PTBP2: variants seen among roughly 807,000 people sequenced by gnomAD.
PTBP2 encodes the protein polypyrimidine tract binding protein 2, also known as polypyrimidine tract-binding protein 2.
A neutral mutation model predicts 61.4 loss-of-function variants in PTBP2; 13 were observed. That is an observed-to-expected ratio of 0.21 (90% confidence interval 0.14 to 0.34). The LOEUF (loss-of-function observed/expected upper bound fraction) is 0.34, where lower values mean the gene tolerates loss of function less well. PTBP2 is among the 10% of genes least tolerant of loss of function. PTBP2 has a pLI of 1.00. For synonymous variants in PTBP2, 215 were observed against 218.5 expected (o/e 0.98, Z 0.14); for missense variants, 405 against 642.6 (o/e 0.63, Z 4.00).
At chr1:96,773,648 G>T (rs1323380497) in intron 5 of PTBP2, among the ~76,000 whole-genome samples, 1 of 152,006 alleles carries the variant, frequency 6.6e-6, no homozygotes. Flanking sequence ...TACCAAAGAG[G>T]CTCTTATTCT....
chr1:96,780,734 C>T (rs1468237623), intron 7 of PTBP2, among the ~76,000 whole-genome samples: 1 of 151,954 alleles, frequency 6.6e-6, no homozygotes, highest in Non-Finnish European at 1.5e-5. Flanking sequence ...ACAGAGTTCA[C>T]ATCACATTTT....
intron 5 of PTBP2, among the ~76,000 whole-genome samples, chr1:96,777,087 G>C (rs1279632201): frequency 2.6e-5 from 4 of 152,076 alleles, no homozygotes; most frequent in Non-Finnish European, 4.4e-5. Context: ...GGTGTCAGAA[G>C]TTAAGTGTAG....
At chr1:96,807,461 ATAAG>A (rs1437223118) in intron 11 of PTBP2, among the ~76,000 whole-genome samples, 3 of 152,212 alleles carry the variant, frequency 2.0e-5, no homozygotes, top group Non-Finnish European at 2.9e-5. Context: ...CATTACTTAA[ATAAG>A]TAATTGATTA....
At chr1:96,725,187 C>T (rs189288039) in intron 2 of PTBP2, among the ~76,000 whole-genome samples, 12 of 151,796 alleles carry the variant, frequency 7.9e-5, no homozygotes, top group South Asian at 4.2e-4. Context: ...TGTGAGTTGT[C>T]GACTGTTAGT....
At chr1:96,785,949 GTA>G (rs993003501) in intron 8 of PTBP2, among the ~76,000 whole-genome samples, 32 of 152,138 alleles carry the variant, frequency 2.1e-4, no homozygotes, top group Admixed American at 1.6e-3. Context: ...ATCTTACTTT[GTA>G]AGTAAAATGT....
Position 96,821,370 on chromosome 1 carries a change from T to G in PTBP2, c.*7965T>G, listed in dbSNP as rs1472258983. The G allele has an allele frequency of 2.6e-5, 4 of 151,922 alleles. No individual in the cohort carries two copies. In the South Asian group the frequency reaches 8.3e-4, roughly 31 times the overall value. The allele number at this position is 151,922 out of a possible 1,614,324, so 9.4% of individuals were successfully genotyped here. On this transcript the variant is annotated 3_prime_UTR_variant, in exon 14 of 14. Transcript: ENST00000609116. The stretch of plus-strand genomic sequence containing the variant: ...TAGTTTAATTTTTTATATCTATTTA[T>G]AAAGTTAACTGCAGGAGTGTACCTG...
chr1:96,772,281 A>G (rs1386207488), intron 5 of PTBP2, among the ~76,000 whole-genome samples: 1 of 152,204 alleles, frequency 6.6e-6, no homozygotes, highest in Non-Finnish European at 1.5e-5. Context: ...ATTAAAAAGG[A>G]TAATAAGCCT....
chr1:96,793,784 TTGAA>T (rs1176206057), intron 8 of PTBP2, among the ~76,000 whole-genome samples: 1 of 152,188 alleles, frequency 6.6e-6, no homozygotes, highest in Admixed American at 6.5e-5. Flanking sequence ...TAAATAATAT[TTGAA>T]TGAATGTGTT....
intron 7 of PTBP2, among the ~76,000 whole-genome samples, chr1:96,782,813 CT>C: frequency 6.6e-6 from 1 of 152,040 alleles, no homozygotes; most frequent in South Asian, 2.1e-4. Flanking sequence ...TTTATTTTGG[CT>C]TTTCATGTTT....
chr1:96,749,348 A>C (rs1654246751), intron 2 of PTBP2, among the ~76,000 whole-genome samples: 1 of 152,198 alleles, frequency 6.6e-6, no homozygotes, highest in Non-Finnish European at 1.5e-5. Context: ...TCAGAAGAAT[A>C]AGCTGATAAT....
At chr1:96,784,230 C>T (rs1265046801) in intron 7 of PTBP2, among the ~76,000 whole-genome samples, 5 of 151,974 alleles carry the variant, frequency 3.3e-5, no homozygotes, top group African/African-American at 9.7e-5. Context: ...ATAATCATAG[C>T]GGTAACATAG....
At chr1:96,800,347 A>G (rs923017268) in intron 8 of PTBP2, among the ~76,000 whole-genome samples, 1 of 142,842 alleles carries the variant, frequency 7.0e-6, no homozygotes, top group Non-Finnish European at 1.5e-5. Context: ...TGGTAGTCTT[A>G]TTTTTACTAA....
chr1:96,816,737 A>T (rs747441264), downstream of PTBP2: 2 of 152,168 alleles, frequency 1.3e-5, no homozygotes, highest in African/African-American at 2.4e-5. Context: ...TTACTAGGGA[A>T]AGGACAAATC....
At chr1:96,732,215 T>C (rs960414432) in intron 2 of PTBP2, among the ~76,000 whole-genome samples, 1 of 152,190 alleles carries the variant, frequency 6.6e-6, no homozygotes, top group African/African-American at 2.4e-5. Flanking sequence ...AATCAAATAA[T>C]GCTAAATGTA....
intron 3 of PTBP2, among the ~76,000 whole-genome samples, chr1:96,760,697 G>A (rs940574188): frequency 2.0e-5 from 3 of 151,966 alleles, no homozygotes; most frequent in African/African-American, 7.2e-5. Context: ...TGCCCACGTC[G>A]GCCTCCCAGA....
rs3791011 is a variant in PTBP2, at chr1:96,795,375, T to C, written c.905-9425T>C. ...CTTGGCATCTTACTGATGTGATTGA[T>C]TATGAGAAAAATGAAGCATGTGGAG... On this transcript the variant is annotated intron_variant, in intron 8 of 13. Coordinates refer to ENST00000674951, the MANE Select transcript of PTBP2 (RefSeq NM_021190.4). Among the ~76,000 whole-genome samples the C allele has an allele frequency of 5.2e-4, 79 of 152,282 alleles. 1 individual carries two copies. The East Asian group carries it at 0.013, about 25-fold the overall frequency.
At chr1:96,755,820 A>T (rs1655086393) in intron 3 of PTBP2, among the ~76,000 whole-genome samples, 1 of 152,234 alleles carries the variant, frequency 6.6e-6, no homozygotes, top group Admixed American at 6.5e-5. Flanking sequence ...TTAGGAGTTT[A>T]AGAGTGGGAA....
At chr1:96,811,749 T>C (rs898273238) in intron 11 of PTBP2, among the ~76,000 whole-genome samples, 3 of 152,212 alleles carry the variant, frequency 2.0e-5, no homozygotes, top group Admixed American at 6.5e-5. Context: ...TAGTTGATTA[T>C]AGTCATTTAG....
intron 5 of PTBP2, among the ~76,000 whole-genome samples, chr1:96,776,428 A>G (rs933620581): frequency 1.3e-5 from 2 of 152,030 alleles, no homozygotes; most frequent in South Asian, 2.1e-4. Context: ...ATAAATTTAT[A>G]GATAAAATTA....
Sources: gnomAD v4.1 joint callset for allele counts (sites outside exome capture counted in the v4.1 genomes callset) on GRCh38, gnomAD v4.1.1 for gene constraint, MANE v1.5 for transcripts, NCBI Gene and HGNC (gene_info 2026-07-23, HGNC 2026-07-21) for gene names.